The following NRG3 variants were observed in gnomAD, a reference collection of about 807,000 sequenced individuals.
NRG3 encodes pro-neuregulin-3, membrane-bound isoform.
A neutral mutation model predicts 66.9 loss-of-function variants in NRG3; 31 were observed. The observed-to-expected ratio is 0.46, with a 90% CI of 0.35 to 0.63. The LOEUF (loss-of-function observed/expected upper bound fraction) is 0.63. NRG3 is among the 20% of genes least tolerant of loss of function. NRG3 has a pLI of 0.00. For synonymous variants in NRG3, 393 were observed against 359.4 expected (o/e 1.09, Z -1.06); for missense variants, 910 against 878.9 (o/e 1.04, Z -0.45).
At chr10:82,276,834 ACTT>A (rs1276281730) in intron 1 of NRG3, among the ~76,000 whole-genome samples, 21 of 152,036 alleles carry the variant, frequency 1.4e-4, no homozygotes, top group Non-Finnish European at 1.5e-5. Flanking sequence ...TTTTAATTGA[ACTT>A]CGTGTGTGTA....
At chr10:82,138,603 A>C (rs1284113469) in intron 1 of NRG3, among the ~76,000 whole-genome samples, 2 of 152,166 alleles carry the variant, frequency 1.3e-5, no homozygotes, top group African/African-American at 4.8e-5. Context: ...ACATGATCAC[A>C]AGGTAAAGTC....
At chr10:82,273,639 T>G (rs2078706926) in intron 1 of NRG3, among the ~76,000 whole-genome samples, 2 of 152,010 alleles carry the variant, frequency 1.3e-5, no homozygotes, top group African/African-American at 4.8e-5. Flanking sequence ...AAAATTTTCT[T>G]AATGTGTTGA....
At chr10:82,888,663 T>C (rs1283722235) in intron 4 of NRG3, among the ~76,000 whole-genome samples, 4 of 152,162 alleles carry the variant, frequency 2.6e-5, no homozygotes, top group Non-Finnish European at 5.9e-5. Flanking sequence ...ATTTCTGCCC[T>C]TGTGGAGCTA....
intron 2 of NRG3, among the ~76,000 whole-genome samples, chr10:82,381,333 A>G (rs920852049): frequency 6.6e-6 from 1 of 152,196 alleles, no homozygotes; most frequent in African/African-American, 2.4e-5. Flanking sequence ...TTACAGAGAT[A>G]ACAATAACTA....
In NRG3 at chr10:82,461,928, C is replaced by G. The variant is rs369589084; in HGVS notation, c.953+103060C>G. 3.8e-3 allele frequency among the ~76,000 whole-genome samples: 572 copies of G among 152,124 alleles called. 6 individuals carry two copies. The highest frequency in any genetic ancestry group is 0.013 in the African/African-American group (559 of 41,480). The stretch of plus-strand genomic sequence containing the variant: ...GGTGGATCACCTGAGGTCTGGAGTT[C>G]GAGACCAGCCTGGCCAACATGGAGA... On this transcript the variant is annotated intron_variant, in intron 2 of 8. Transcript: ENST00000372141.
intron 4 of NRG3, among the ~76,000 whole-genome samples, chr10:82,875,511 C>T (rs1240299037): frequency 6.6e-6 from 1 of 152,112 alleles, no homozygotes; most frequent in Non-Finnish European, 1.5e-5. Context: ...GCATGTGGCA[C>T]CATGTGCAGC....
intron 1 of NRG3, among the ~76,000 whole-genome samples, chr10:81,923,239 T>TA (rs1457124261): frequency 6.6e-6 from 1 of 152,188 alleles, no homozygotes; most frequent in Non-Finnish European, 1.5e-5. Context: ...CTGCTTTACT[T>TA]ACTCAATCGA....
chr10:82,332,229 A>C (rs2082171354), intron 1 of NRG3, among the ~76,000 whole-genome samples: 2 of 152,192 alleles, frequency 1.3e-5, no homozygotes, highest in South Asian at 4.1e-4. Flanking sequence ...ATCAGTTTTC[A>C]CAGTTCAAAA....
intron 4 of NRG3, among the ~76,000 whole-genome samples, chr10:82,891,649 C>T (rs1843157807): frequency 6.6e-6 from 1 of 151,918 alleles, no homozygotes. Flanking sequence ...AACCTTGTTA[C>T]TCTTACTTAT....
intron 2 of NRG3, among the ~76,000 whole-genome samples, chr10:82,649,459 C>CTTTTTTTTTTTTTTTTTTTTT (rs71469930): frequency 2.0e-5 from 1 of 48,794 alleles, no homozygotes; most frequent in African/African-American, 6.3e-5. Context: ...CTGGTGCAGG[C>CTTTTTTTTTTTTTTTTTTTTT]TTTTTTTTTT....
At chr10:81,908,055 A>G (rs1230512074) in intron 1 of NRG3, among the ~76,000 whole-genome samples, 2 of 152,230 alleles carry the variant, frequency 1.3e-5, no homozygotes, top group Non-Finnish European at 2.9e-5. Flanking sequence ...AATCTTCAAC[A>G]GACTGATCTG....
intron 2 of NRG3, among the ~76,000 whole-genome samples, chr10:82,426,926 C>T (rs960916029): frequency 6.6e-6 from 1 of 152,102 alleles, no homozygotes; most frequent in Non-Finnish European, 1.5e-5. Flanking sequence ...GCTGGGATTA[C>T]AGGCATAAGC....
intron 2 of NRG3, among the ~76,000 whole-genome samples, chr10:82,495,860 T>C (rs1173748044): frequency 1.4e-5 from 2 of 147,516 alleles, no homozygotes; most frequent in Admixed American, 1.3e-4. Context: ...AAAATGCTGG[T>C]GTCCTGCCAC....
intron 4 of NRG3, among the ~76,000 whole-genome samples, chr10:82,935,069 C>G: frequency 6.6e-6 from 1 of 152,124 alleles, no homozygotes; most frequent in East Asian, 1.9e-4. Context: ...ATTAAGGATA[C>G]CTGGGGGTAA....
At chr10:82,547,803 G>T (rs904440057) in intron 2 of NRG3, among the ~76,000 whole-genome samples, 1 of 152,094 alleles carries the variant, frequency 6.6e-6, no homozygotes, top group Non-Finnish European at 1.5e-5. Context: ...TCCATGGTCA[G>T]TATTTCACAG....
At chr10:82,726,380 T>G (rs1393514873) in intron 2 of NRG3, among the ~76,000 whole-genome samples, 1 of 152,154 alleles carries the variant, frequency 6.6e-6, no homozygotes, top group Non-Finnish European at 1.5e-5. Flanking sequence ...TCCCATGTCA[T>G]GGGAGGGACC....
intron 1 of NRG3, among the ~76,000 whole-genome samples, chr10:81,920,481 G>T (rs1846153445): frequency 6.6e-6 from 1 of 151,812 alleles, no homozygotes; most frequent in African/African-American, 2.4e-5. Flanking sequence ...GGTTTAATAA[G>T]CATGACTATC....
At chr10:82,379,622 A>G (rs1353056064) in intron 2 of NRG3, among the ~76,000 whole-genome samples, 2 of 152,196 alleles carry the variant, frequency 1.3e-5, no homozygotes, top group Non-Finnish European at 2.9e-5. Context: ...CTCTTATGAA[A>G]TTTTATATTT....
intron 1 of NRG3, among the ~76,000 whole-genome samples, chr10:82,352,374 T>A (rs1203464793): frequency 6.6e-6 from 1 of 152,178 alleles, no homozygotes; most frequent in Non-Finnish European, 1.5e-5. Context: ...ATAAATCATC[T>A]CAAAGGCTAG....
Sources: allele counts gnomAD v4.1 joint callset (sites outside exome capture counted in the v4.1 genomes callset), GRCh38; gene constraint gnomAD v4.1.1; transcripts MANE v1.5; gene names NCBI Gene and HGNC (gene_info 2026-07-23, HGNC 2026-07-21).